ATP13A1: variants seen among roughly 807,000 people sequenced by gnomAD.
ATP13A1 encodes the protein ATPase 13A1.
Under a neutral mutation model 134.8 loss-of-function variants are expected in ATP13A1, and 55 were observed. The ratio of observed to expected loss-of-function variants is 0.41; its 90% CI spans 0.33 to 0.51. The LOEUF (loss-of-function observed/expected upper bound fraction) is 0.51. ATP13A1 is among the 20% of genes least tolerant of loss of function. ATP13A1 has a pLI of 0.29. For missense variants in ATP13A1, 1,389 were observed against 1,652.8 expected, an observed-to-expected ratio of 0.84 and a Z score of 2.77; for synonymous variants, 775 against 725.1, an observed-to-expected ratio of 1.07 and a Z score of -1.10.
At position 19,652,733 on chromosome 19, in the gene ATP13A1, A is replaced by G. The variant is rs1163998740; in HGVS notation, c.2101-13T>C. The G allele has an allele frequency of 6.3e-7, 1 of 1,594,792 alleles. No individual in the cohort carries two copies. The highest frequency in any genetic ancestry group is 1.1e-5 in the South Asian group (1 of 88,884). The stretch of plus-strand genomic sequence containing the variant: ...TGACCTCCCGGGCCTGCGGACAGAC[A>G]GGGGCACCCTCACCATCTGTCCCTC... On this transcript the variant is annotated splice_polypyrimidine_tract_variant and intron_variant, in intron 15 of 25. Transcript: ENST00000357324.
chr19:19,654,505 G>A, intron 13 of ATP13A1, 38 bp downstream of exon 13: 1 of 1,564,740 alleles, frequency 6.4e-7, no homozygotes, highest in Non-Finnish European at 8.6e-7. Context: ...GAGAGCCAGT[G>A]GCTCCCCCTT....
In ATP13A1 at chr19:19,653,949, C is replaced by A; in HGVS notation, c.1989+20G>T. On this transcript the variant is annotated intron_variant, in intron 14 of 25. Transcript: ENST00000357324. This position sits in a 1 kb window ranked among gnomAD's most constrained non-coding sequence, Gnocchi z 4.2. Reference sequence around the variant, plus strand: ...CTGCCCCGCGCCCCCACCCCTTGCCCCAGGCTGGGGCCAGCTCACCATGGA... The same window carrying A: ...CTGCCCCGCGCCCCCACCCCTTGCCACAGGCTGGGGCCAGCTCACCATGGA... 6.3e-7 allele frequency: 1 copy of A among 1,583,676 alleles called. No individual in the cohort carries two copies. The highest frequency in any genetic ancestry group is 1.8e-5 in the Admixed American group (1 of 54,904).
At chr19:19,654,736 G>T in intron 12 of ATP13A1, 36 bp from the exon 13 acceptor site, 1 of 1,578,906 alleles carries the variant, frequency 6.3e-7, no homozygotes, top group Non-Finnish European at 8.6e-7. Context: ...ACAGAGTGCA[G>T]GCGGGTAGGG....
At position 19,653,476 on chromosome 19, in the gene ATP13A1, T is replaced by G; in HGVS notation, c.2100+308A>C. ...GAGGGTGGGCTTTGTGGAGGATGGA[T>G]GGGTGAGAGGGCTGAGGATGCCACC... On this transcript the variant is annotated intron_variant, in intron 15 of 25. Transcript: ENST00000357324. The surrounding 1 kb of genome is among the most constrained non-coding windows in gnomAD (Gnocchi z 4.2). The G allele has an allele frequency of 2.4e-6, 1 of 415,398 alleles. No individual in the cohort carries two copies. The highest frequency in any genetic ancestry group is 4.3e-6 in the Non-Finnish European group (1 of 230,406). 25.7% of individuals were successfully genotyped at this position (415,398 alleles called of 1,614,324 possible).
chr19:19,657,229 T>G, intron 4 of ATP13A1, 80 bp from the exon 5 acceptor site: 1 of 1,485,802 alleles, frequency 6.7e-7, no homozygotes, highest in African/African-American at 1.4e-5. Context: ...ATCTGATATG[T>G]GAGGGTGGGG....
At chr19:19,652,518 C>T in intron 16 of ATP13A1, 77 bp downstream of exon 16, 1 of 1,515,092 alleles carries the variant, frequency 6.6e-7, no homozygotes, top group Non-Finnish European at 8.9e-7. Flanking sequence ...GGTGCCCACC[C>T]CTACCACGAA....
At chr19:19,650,159 C>T in intron 17 of ATP13A1, 1 of 593,524 alleles carries the variant, frequency 1.7e-6, no homozygotes, top group Non-Finnish European at 3.0e-6. Flanking sequence ...AGCTACTTGC[C>T]TGAGAGCCCG....
chr19:19,654,774 A>C, intron 12 of ATP13A1, 74 bp from the exon 13 acceptor site: 1 of 1,507,826 alleles, frequency 6.6e-7, no homozygotes, highest in Admixed American at 1.9e-5. Flanking sequence ...CAGCAGAAGG[A>C]CCCCCAAGGC....
chr19:19,652,593 A>G lies in ATP13A1; in HGVS notation c.2226+2T>C. The G allele has an allele frequency of 1.2e-6, 2 of 1,606,776 alleles. No homozygotes were observed. Among genetic ancestry groups the G allele is most frequent in the Non-Finnish European group, 1.7e-6 (2 of 1,177,154 alleles). On this transcript the variant is annotated splice_donor_variant, in intron 16 of 25. Coordinates refer to ENST00000357324, the MANE Select transcript of ATP13A1 (RefSeq NM_020410.3). LOFTEE classifies it high-confidence loss of function. Reference sequence around the variant, plus strand: ...AGGGTGGAGCCGAGCACCGTCCCATACCCGGTGGGACGCATTCTGGATCTC... The same window carrying G: ...AGGGTGGAGCCGAGCACCGTCCCATGCCCGGTGGGACGCATTCTGGATCTC...
intron 16 of ATP13A1, 58 bp from the exon 17 acceptor site, chr19:19,651,855 G>A (rs2062026803): frequency 2.2e-6 from 3 of 1,373,290 alleles, no homozygotes; most frequent in Admixed American, 4.0e-5. Context: ...CTCTAGGCCA[G>A]AGACAAGGCT....
intron 15 of ATP13A1, 127 bp from the exon 16 acceptor site, chr19:19,652,847 A>G: frequency 7.6e-7 from 1 of 1,321,740 alleles, no homozygotes; most frequent in East Asian, 2.6e-5. Flanking sequence ...TAGTGGGCAC[A>G]TGCGAGGGTT....
In ATP13A1 at chr19:19,657,412, C is replaced by A; in HGVS notation, c.678-4G>T. 6.4e-7 allele frequency: 1 copy of A among 1,563,138 alleles called. No individual in the cohort carries two copies. The highest frequency in any genetic ancestry group is 8.7e-7 in the Non-Finnish European group (1 of 1,153,440). ...GTCAGGCACCACCATCTCGGCCCTG[C>A]AAGAGACCAGGCCCCATCCTGTTCC... On this transcript the variant is annotated splice_polypyrimidine_tract_variant and splice_region_variant and intron_variant, in intron 3 of 25. Coordinates refer to ENST00000357324, the MANE Select transcript of ATP13A1 (RefSeq NM_020410.3).
Position 19,659,806 on chromosome 19 carries a change from G to A in ATP13A1, c.487-15C>T. 1 of 1,611,792 alleles carries A rather than the reference G, an allele frequency of 6.2e-7. No individual in the cohort carries two copies. The highest frequency in any genetic ancestry group is 8.5e-7 in the Non-Finnish European group (1 of 1,178,532). On this transcript the variant is annotated splice_polypyrimidine_tract_variant and intron_variant, in intron 2 of 25. Transcript: ENST00000357324. The stretch of plus-strand genomic sequence containing the variant: ...CCGTCTTCGCCCTGCGGTAGAAGGT[G>A]TGTTTGCCACAGAGGCCCCTGACCT...
intron 3 of ATP13A1, among the ~76,000 whole-genome samples, chr19:19,658,913 G>C (rs1404688022): frequency 9.0e-6 from 1 of 111,440 alleles, no homozygotes; most frequent in African/African-American, 3.4e-5. Context: ...GACAAGCCTG[G>C]GCAACACGGC....
chr19:19,660,977 G>A (rs1411476305), intron 1 of ATP13A1, among the ~76,000 whole-genome samples: 1 of 151,704 alleles, frequency 6.6e-6, no homozygotes, highest in Non-Finnish European at 1.5e-5. Flanking sequence ...TACTCGGGAG[G>A]CTGAGGCAGA....
chr19:19,649,519 C>A, intron 19 of ATP13A1, 48 bp downstream of exon 19: 1 of 1,575,770 alleles, frequency 6.3e-7, no homozygotes, highest in Non-Finnish European at 8.7e-7. Flanking sequence ...AGTGACATGT[C>A]CTCAACACCT....
At chr19:19,648,211 C>T (rs894777780) in intron 19 of ATP13A1, among the ~76,000 whole-genome samples, 9 of 151,732 alleles carry the variant, frequency 5.9e-5, no homozygotes, top group Middle Eastern at 3.2e-3. Flanking sequence ...TCCAGCTACT[C>T]GGGAGGCTGA....
chr19:19,662,202 C>T (rs2062099243), intron 1 of ATP13A1: 8 of 1,539,000 alleles, frequency 5.2e-6, no homozygotes, highest in Admixed American at 4.1e-5. Flanking sequence ...TCCCCTTAAC[C>T]CCTCCTTTAT....
chr19:19,647,790 G>A lies in ATP13A1; in HGVS notation c.2633-31C>T, dbSNP rs766592054. 3 of 1,563,208 alleles carry A rather than the reference G, an allele frequency of 1.9e-6. No individual in the cohort carries two copies. Among genetic ancestry groups the A allele is most frequent in the East Asian group, 2.3e-5 (1 of 43,394 alleles). ...GGGCAGGAGGGTGTCAGACCCGGAG[G>A]AGCAGGCTCCACGGAGGGGAAGATT... On this transcript the variant is annotated intron_variant, in intron 19 of 25. Coordinates refer to ENST00000357324, the MANE Select transcript of ATP13A1 (RefSeq NM_020410.3). The surrounding 1 kb of genome is among the most constrained non-coding windows in gnomAD (Gnocchi z 4.8).
Sources: allele counts gnomAD v4.1 joint callset (sites outside exome capture counted in the v4.1 genomes callset), GRCh38; gene constraint gnomAD v4.1.1; non-coding constraint Gnocchi (gnomAD v3.1); transcripts MANE v1.5; gene names NCBI Gene and HGNC (gene_info 2026-07-23, HGNC 2026-07-21).